ULK4: variants seen among roughly 807,000 people sequenced by gnomAD.
The protein encoded by ULK4 is unc-51 like kinase 4, also known as inactive serine/threonine-protein kinase ULK4.
In ULK4, 133 loss-of-function variants were observed where a neutral mutation model predicts 160.6. The observed-to-expected ratio is 0.83, with a 90% CI of 0.72 to 0.96. ULK4 has a LOEUF of 0.96. ULK4 is among the 40% of genes least tolerant of loss of function. The pLI, the probability that ULK4 is intolerant of heterozygous loss-of-function variation, is 0.00. For synonymous variants in ULK4, 534 were observed against 539.8 expected, an observed-to-expected ratio of 0.99 and a Z score of 0.15; for missense variants, 1,580 against 1,499.5, an observed-to-expected ratio of 1.05 and a Z score of -0.89.
chr3:41,898,962 A>C (rs371738807), intron 13 of ULK4: 2 of 154,480 alleles, frequency 1.3e-5, no homozygotes. Context: ...CATGCAGGAC[A>C]TAACTACAGA....
chr3:41,550,755 G>A (rs75138308), intron 32 of ULK4, among the ~76,000 whole-genome samples: 1,620 of 152,050 alleles, frequency 0.011, 28 homozygotes, highest in Middle Eastern at 0.034. Context: ...ACAAAACACT[G>A]TATTTAAACT....
intron 25 of ULK4, among the ~76,000 whole-genome samples, chr3:41,706,851 G>GTA (rs1262006647): frequency 1.0e-5 from 1 of 98,000 alleles, no homozygotes; most frequent in African/African-American, 3.5e-5. Context: ...AAAAAAATAT[G>GTA]TGTGTGTGTG....
chr3:41,663,048 C>G (rs561817268), intron 30 of ULK4, among the ~76,000 whole-genome samples: 2 of 151,798 alleles, frequency 1.3e-5, no homozygotes, highest in Non-Finnish European at 2.9e-5. Context: ...TGGTGAAACC[C>G]CATCTCTACT....
chr3:41,629,838 A>AAT (rs1553622830), intron 30 of ULK4, among the ~76,000 whole-genome samples: 3 of 147,680 alleles, frequency 2.0e-5, no homozygotes, highest in Admixed American at 6.8e-5. Flanking sequence ...AAAAAAAAAA[A>AAT]ATATAAAAAT....
chr3:41,513,613 C>G (rs1333805541), intron 32 of ULK4, among the ~76,000 whole-genome samples: 7 of 152,180 alleles, frequency 4.6e-5, no homozygotes, highest in Non-Finnish European at 4.4e-5. Flanking sequence ...AGCCTGGCAA[C>G]AGAGCAAGAG....
At chr3:41,400,773 G>A (rs1026295352) in intron 34 of ULK4, among the ~76,000 whole-genome samples, 4 of 152,096 alleles carry the variant, frequency 2.6e-5, no homozygotes, top group East Asian at 1.9e-4. Flanking sequence ...CAGCTGTAGC[G>A]TTTTACCTTT....
intron 12 of ULK4, among the ~76,000 whole-genome samples, chr3:41,904,026 C>T (rs1616679): frequency 0.83 from 124,690 of 150,390 alleles, 55,178 homozygotes; most frequent in Non-Finnish European, 0.98. Flanking sequence ...CAGTGTTTAC[C>T]CGGGAATTAT....
intron 12 of ULK4, among the ~76,000 whole-genome samples, chr3:41,901,651 T>C (rs1328012470): frequency 6.6e-6 from 1 of 151,688 alleles, no homozygotes; most frequent in Non-Finnish European, 1.5e-5. Flanking sequence ...TGCTAATTTC[T>C]GCATTTTTAG....
intron 30 of ULK4, among the ~76,000 whole-genome samples, chr3:41,644,413 A>G (rs1320832659): frequency 2.6e-5 from 4 of 152,138 alleles, no homozygotes; most frequent in Non-Finnish European, 5.9e-5. Context: ...GGGTTGTTGA[A>G]TTTTGTCAAA....
At chr3:41,422,096 C>T (rs1328712801) in intron 34 of ULK4, among the ~76,000 whole-genome samples, 1 of 151,970 alleles carries the variant, frequency 6.6e-6, no homozygotes, top group East Asian at 1.9e-4. Flanking sequence ...TTCCTCTTTC[C>T]CTGCAGCTAC....
intron 32 of ULK4, among the ~76,000 whole-genome samples, chr3:41,544,042 T>A (rs1559381407): frequency 6.6e-6 from 1 of 152,208 alleles, no homozygotes; most frequent in Admixed American, 6.5e-5. Flanking sequence ...AGAAATAGTT[T>A]GCCTTGCTTT....
intron 35 of ULK4, among the ~76,000 whole-genome samples, chr3:41,252,719 A>C (rs2078766298): frequency 6.6e-6 from 1 of 152,160 alleles, no homozygotes; most frequent in Admixed American, 6.5e-5. Context: ...GAGGACAGAG[A>C]ATAAATGAAT....
intron 2 of ULK4, among the ~76,000 whole-genome samples, chr3:41,940,399 C>A (rs933288886): frequency 5.9e-5 from 9 of 152,120 alleles, no homozygotes; most frequent in Admixed American, 4.6e-4. Context: ...GATTGGTTTT[C>A]TGAGTGGAAA....
At chr3:41,467,602 A>G (rs1331417803) in intron 32 of ULK4, among the ~76,000 whole-genome samples, 1 of 152,198 alleles carries the variant, frequency 6.6e-6, no homozygotes, top group Non-Finnish European at 1.5e-5. Flanking sequence ...TTAAGATATA[A>G]TCATATAGTG....
At chr3:41,708,639 G>A (rs1228784350) in intron 25 of ULK4, among the ~76,000 whole-genome samples, 2 of 152,218 alleles carry the variant, frequency 1.3e-5, no homozygotes, top group Admixed American at 1.3e-4. Context: ...CTACTTGGGA[G>A]GCTGAGGAAT....
At chr3:41,517,758 T>A (rs959820818) in intron 32 of ULK4, among the ~76,000 whole-genome samples, 3 of 152,246 alleles carry the variant, frequency 2.0e-5, no homozygotes, top group Admixed American at 6.5e-5. Flanking sequence ...CACTCAGGGC[T>A]GTCTCAGCCA....
At chr3:41,632,549 T>C (rs918655018) in intron 30 of ULK4, among the ~76,000 whole-genome samples, 2 of 152,098 alleles carry the variant, frequency 1.3e-5, no homozygotes, top group Non-Finnish European at 2.9e-5. Flanking sequence ...CTAGGATAGA[T>C]ACATAAAGAT....
chr3:41,795,451 T>A (rs1224149170), intron 20 of ULK4, among the ~76,000 whole-genome samples: 1 of 152,132 alleles, frequency 6.6e-6, no homozygotes, highest in East Asian at 1.9e-4. Flanking sequence ...TCCCTCTTAA[T>A]CTTTGCAAGA....
rs193161706 is a variant in ULK4, at chr3:41,301,726, A to G, written c.3679-52152T>C. Reference sequence around the variant, plus strand: ...CATAAAATCAAAAGGCTGAATCACCATTTAATGCACATTGTCAGATATGTC... The same window carrying G: ...CATAAAATCAAAAGGCTGAATCACCGTTTAATGCACATTGTCAGATATGTC... On this transcript the variant is annotated intron_variant, in intron 35 of 36. Coordinates refer to ENST00000301831, the MANE Select transcript of ULK4 (RefSeq NM_017886.4). Among the ~76,000 whole-genome samples the G allele has an allele frequency of 4.1e-3, 629 of 152,354 alleles. 3 individuals carry two copies. The highest frequency in any genetic ancestry group is 0.014 in the African/African-American group (602 of 41,592).
Sources: gnomAD v4.1 joint callset for allele counts (sites outside exome capture counted in the v4.1 genomes callset) on GRCh38, gnomAD v4.1.1 for gene constraint, MANE v1.5 for transcripts, NCBI Gene and HGNC (gene_info 2026-07-23, HGNC 2026-07-21) for gene names.